The following SIAE variants were observed in gnomAD, a reference collection of about 807,000 sequenced individuals.
SIAE encodes the protein sialic acid acetylesterase.
Under a neutral mutation model 52.6 loss-of-function variants are expected in SIAE, and 39 were observed. The observed-to-expected ratio is 0.74, with a 90% CI of 0.57 to 0.97. The LOEUF is 0.97. Among genes scored for constraint, SIAE ranks in the 50% least tolerant of loss-of-function variants. SIAE has a pLI of 0.00. For missense variants in SIAE, 592 were observed against 662.1 expected, an observed-to-expected ratio of 0.89 and a Z score of 1.16; for synonymous variants, 233 against 241.4, an observed-to-expected ratio of 0.97 and a Z score of 0.32.
At chr11:124,649,910 T>TAGAA (rs1565412043) in intron 4 of SIAE, 114 bp from the exon 5 acceptor site, 1 of 929,430 alleles carries the variant, frequency 1.1e-6, no homozygotes, top group Non-Finnish European at 1.7e-6. Flanking sequence ...CTTCTGTTGT[T>TAGAA]TTCTAAGACT....
intron 7 of SIAE, among the ~76,000 whole-genome samples, 152 bp downstream of exon 7, chr11:124,647,212 TC>T (rs1359788717): frequency 6.6e-6 from 1 of 152,204 alleles, no homozygotes; most frequent in Non-Finnish European, 1.5e-5. Context: ...TACATTCAGT[TC>T]TTGACCAGCA....
intron 1 of SIAE, 21 bp downstream of exon 1, chr11:124,673,621 G>A: frequency 6.2e-7 from 1 of 1,610,836 alleles, no homozygotes; most frequent in Non-Finnish European, 8.5e-7. Context: ...GCAGGGGTCC[G>A]GCCGAGCCGG....
At chr11:124,640,952 G>T (rs1942834913) in intron 7 of SIAE, among the ~76,000 whole-genome samples, 1 of 152,164 alleles carries the variant, frequency 6.6e-6, no homozygotes, top group Non-Finnish European at 1.5e-5. Context: ...CCAAAGATCT[G>T]CAGCTTAGCC....
At chr11:124,674,174 A>C (rs1218062751), upstream of SIAE, 2 of 168,366 alleles carry the variant, frequency 1.2e-5, no homozygotes, top group African/African-American at 2.5e-5. Flanking sequence ...ACATTGGTTC[A>C]GAATCTCGCC....
intron 3 of SIAE, among the ~76,000 whole-genome samples, chr11:124,655,185 T>TTTTC: frequency 6.7e-6 from 1 of 149,652 alleles, no homozygotes; most frequent in African/African-American, 2.5e-5. Flanking sequence ...TTTTTTTTTT[T>TTTTC]TTTTTGTGTG....
At chr11:124,675,490 G>A, upstream of SIAE, 1 of 1,529,846 alleles carries the variant, frequency 6.5e-7, no homozygotes. Flanking sequence ...ACTTGCTTAA[G>A]ACCATCTCCA....
At chr11:124,671,293 GCATGTT>G (rs1214556964) in intron 1 of SIAE, among the ~76,000 whole-genome samples, 1 of 152,282 alleles carries the variant, frequency 6.6e-6, no homozygotes, top group South Asian at 2.1e-4. Context: ...AAAATAGCTT[GCATGTT>G]CATTAGTTAA....
At chr11:124,650,523 A>G (rs1591388373) in intron 4 of SIAE, among the ~76,000 whole-genome samples, 1 of 152,248 alleles carries the variant, frequency 6.6e-6, no homozygotes. Context: ...CTATAATCCC[A>G]GCACTTTGAG....
At position 124,633,771 on chromosome 11, in the gene SIAE, A is replaced by C. The variant is rs1942661229; in HGVS notation, c.*3180T>G. 6.6e-6 allele frequency: 1 copy of C among 152,262 alleles called. No homozygotes were observed. The highest frequency in any genetic ancestry group is 1.5e-5 in the Non-Finnish European group (1 of 68,052). The allele number at this position is 152,262 out of a possible 1,614,324, so 9.4% of individuals were successfully genotyped here. On this transcript the variant is annotated 3_prime_UTR_variant, in exon 10 of 10. Transcript: ENST00000263593. ...GCAGTGTTTTTCTTTTTTTCTCTGC[A>C]TAAATGGCTTGAGCATACTGGCATT...
In SIAE at chr11:124,669,495, T is replaced by C. The variant is rs751436066; in HGVS notation, c.94A>G (p.Ile32Val). The part of the protein sequence containing the change: ...AGIGFRFASY[I>V]NNDMVLQKEP... ...TTCTGCAGCACCATATCATTATTGA[T>C]GTATGAAGCAAAGCGAAAACCAATA... The change falls in exon 2 of 10, where the codon ATC (isoleucine) becomes GTC (valine). Residue 32 changes from isoleucine (I) to valine (V), a missense_variant. Ile to Val is a conservative substitution (Grantham distance 29, BLOSUM62 3). Transcript: ENST00000263593. 1.2e-6 allele frequency: 2 copies of C among 1,614,148 alleles called. No homozygotes were observed. The highest frequency in any genetic ancestry group is 1.1e-5 in the South Asian group (1 of 91,090).
intron 4 of SIAE, 81 bp downstream of exon 4, chr11:124,654,574 A>G (rs1943067398): frequency 6.2e-7 from 1 of 1,612,420 alleles, no homozygotes. Flanking sequence ...TAGACACATA[A>G]GAACCAAATT....
At position 124,645,660 on chromosome 11, in the gene SIAE, T is replaced by C. The variant is rs1028137995; in HGVS notation, c.966+1705A>G. Among the ~76,000 whole-genome samples the C allele has an allele frequency of 6.6e-6, 1 of 152,158 alleles. No individual in the cohort carries two copies. The highest frequency in any genetic ancestry group is 1.5e-5 in the Non-Finnish European group (1 of 68,022). On this transcript the variant is annotated intron_variant, in intron 7 of 9. Coordinates refer to ENST00000263593, the MANE Select transcript of SIAE (RefSeq NM_170601.5). This position sits in a 1 kb window ranked among gnomAD's most constrained non-coding sequence, Gnocchi z 4.7. ...CAGCATATAATAAGCATTCAACACA[T>C]ACTTTTGGTTTGAGTTGGCTAAAGT...
Position 124,647,411 on chromosome 11 carries a change from C to A in SIAE, c.920G>T (p.Gly307Val), listed in dbSNP as rs1170770775. Residue 307 changes from glycine to valine, a missense_variant, in exon 7 of 10, where the codon GGT becomes GTT. Transcript: ENST00000263593. Reference protein sequence around the residue: ...IEDWRETFHRGSQGQTERFFP... With the variant: ...IEDWRETFHRVSQGQTERFFP... ...GAAACGCTCCGTCTGCCCCTGGGAA[C>A]CACGGTGGAAGGTTTCACGCCAGTC... 1 of 1,614,188 alleles carries A rather than the reference C, an allele frequency of 6.2e-7. No individual in the cohort carries two copies.
At chr11:124,654,421 A>G in intron 4 of SIAE, 2 of 985,440 alleles carry the variant, frequency 2.0e-6, no homozygotes, top group Non-Finnish European at 2.4e-6. Context: ...TGATATTTTC[A>G]CTGAAGATGT....
intron 8 of SIAE, 58 bp downstream of exon 8, chr11:124,639,652 G>C (rs1942811456): frequency 1.2e-6 from 2 of 1,609,468 alleles, no homozygotes; most frequent in East Asian, 2.2e-5. Context: ...GTGAACATCA[G>C]AGTGAAAGAC....
intron 3 of SIAE, among the ~76,000 whole-genome samples, chr11:124,656,021 T>C (rs772017067): frequency 2.0e-5 from 3 of 152,180 alleles, no homozygotes; most frequent in Non-Finnish European, 4.4e-5. Flanking sequence ...AAAAATATTG[T>C]ACAAAATTAC....
chr11:124,655,992 T>G (rs1485502362), intron 3 of SIAE, among the ~76,000 whole-genome samples: 1 of 152,182 alleles, frequency 6.6e-6, no homozygotes, highest in Non-Finnish European at 1.5e-5. Flanking sequence ...CAAATTTTGT[T>G]TCATGCACAA....
chr11:124,671,931 CTTTT>C (rs11344356), intron 1 of SIAE, among the ~76,000 whole-genome samples: 1 of 137,154 alleles, frequency 7.3e-6, no homozygotes, highest in African/African-American at 2.6e-5. Context: ...CTGGCTAATT[CTTTT>C]TTTTTTTTTT....
intron 1 of SIAE, 76 bp from the exon 2 acceptor site, chr11:124,669,597 A>G (rs1048384507): frequency 5.0e-5 from 65 of 1,310,870 alleles, no homozygotes; most frequent in Non-Finnish European, 7.1e-5. Flanking sequence ...GAAACAGCAA[A>G]GAACATACAG....
Sources: allele counts gnomAD v4.1 joint callset (sites outside exome capture counted in the v4.1 genomes callset), GRCh38; gene constraint gnomAD v4.1.1; non-coding constraint Gnocchi (gnomAD v3.1); transcripts MANE v1.5; gene names NCBI Gene and HGNC (gene_info 2026-07-23, HGNC 2026-07-21).